The following ADGRB3 variants were observed in gnomAD, a reference collection of about 807,000 sequenced individuals.
ADGRB3 encodes brain-specific angiogenesis inhibitor 3.
ADGRB3 carries 37 observed loss-of-function variants against 193.4 expected under a neutral mutation model. The ratio of observed to expected loss-of-function variants is 0.19; its 90% CI spans 0.15 to 0.25. The LOEUF (loss-of-function observed/expected upper bound fraction) is 0.25, where lower values mean the gene tolerates loss of function less well. Ranked by LOEUF, ADGRB3 falls within the 10% of genes least tolerant of loss-of-function variation. The pLI, the probability that ADGRB3 is intolerant of heterozygous loss-of-function variation, is 1.00. For synonymous variants in ADGRB3, 690 were observed against 644.2 expected (o/e 1.07, Z -1.08); for missense variants, 1,637 against 1,852.9 (o/e 0.88, Z 2.14).
chr6:68,645,687 T>G (rs1053094886), intron 3 of ADGRB3, among the ~76,000 whole-genome samples: 13 of 152,168 alleles, frequency 8.5e-5, no homozygotes, highest in Non-Finnish European at 1.0e-4. Context: ...TTTTTTCTTT[T>G]TTGAGACGGA....
intron 8 of ADGRB3, among the ~76,000 whole-genome samples, chr6:68,972,489 T>A (rs558027797): frequency 6.6e-6 from 1 of 152,252 alleles, no homozygotes; most frequent in East Asian, 1.9e-4. Flanking sequence ...GCACTCAGTT[T>A]CTCCTCTGGA....
intron 3 of ADGRB3, among the ~76,000 whole-genome samples, chr6:68,835,382 A>G (rs1055624653): frequency 1.3e-5 from 2 of 152,196 alleles, no homozygotes; most frequent in African/African-American, 4.8e-5. Flanking sequence ...GACAAAATAT[A>G]TGCAAATGAT....
intron 3 of ADGRB3, among the ~76,000 whole-genome samples, chr6:68,879,213 CTTTTT>C (rs529789046): frequency 1.1e-5 from 1 of 91,906 alleles, no homozygotes; most frequent in Non-Finnish European, 2.0e-5. Context: ...CTTTTTGTCG[CTTTTT>C]TTTTTTTTTT....
Position 68,759,676 on chromosome 6 carries a change from T to G in ADGRB3, c.757+120244T>G, listed in dbSNP as rs1232087217. On this transcript the variant is annotated intron_variant, in intron 3 of 31. Transcript: ENST00000370598. ...ATGCAAGATATTTCAAATAAAAGTTTCCTTAATGTGAATGTTTCTTAAACT... is the reference window on the plus strand; with the variant it reads ...ATGCAAGATATTTCAAATAAAAGTTGCCTTAATGTGAATGTTTCTTAAACT... Among the ~76,000 whole-genome samples, 5 of 152,066 alleles carry G rather than the reference T, an allele frequency of 3.3e-5. 1 individual carries two copies. Among genetic ancestry groups the G allele is most frequent in the Middle Eastern group, 6.4e-3 (2 of 314 alleles).
chr6:68,990,236 G>A (rs1159718316), intron 10 of ADGRB3, among the ~76,000 whole-genome samples: 2 of 152,150 alleles, frequency 1.3e-5, no homozygotes, highest in African/African-American at 4.8e-5. Context: ...ACTCTTCACA[G>A]TATGCATGTG....
intron 3 of ADGRB3, among the ~76,000 whole-genome samples, chr6:68,893,529 C>CTT (rs776176268): frequency 1.4e-5 from 2 of 141,046 alleles, no homozygotes; most frequent in Non-Finnish European, 1.6e-5. Flanking sequence ...ACAACCAACT[C>CTT]TTTTTTTTTT....
intron 3 of ADGRB3, among the ~76,000 whole-genome samples, chr6:68,808,298 C>T (rs1384066310): frequency 1.3e-5 from 2 of 152,074 alleles, no homozygotes; most frequent in East Asian, 1.9e-4. Flanking sequence ...ACCACCTTAT[C>T]AGCTGAATAC....
chr6:68,905,932 G>A (rs904357981), intron 3 of ADGRB3, among the ~76,000 whole-genome samples: 1 of 151,756 alleles, frequency 6.6e-6, no homozygotes, highest in South Asian at 2.1e-4. Flanking sequence ...TAGAGAGAAT[G>A]TCCTGACCAC....
rs754180544 is a variant in ADGRB3 at position 69,361,266 on chromosome 6, C to G, written c.3993C>G (p.Gly1331=). 14 of 1,612,670 alleles carry G rather than the reference C, an allele frequency of 8.7e-6. No individual in the cohort carries two copies. Among genetic ancestry groups the G allele is most frequent in the Non-Finnish European group, 1.2e-5 (14 of 1,179,264 alleles). Residue 1331 remains glycine, a synonymous_variant, in exon 29 of 32, where the codon GGC becomes GGG. Transcript: ENST00000370598. ...SMKEESKMNI[G]METLPHERLL... ...AAGAAGAAAGCAAAATGAATATTGG[C>G]ATGGAAACCTTGCCGCATGAAAGGC...
chr6:68,775,493 A>G (rs1358309362), intron 3 of ADGRB3, among the ~76,000 whole-genome samples: 1 of 152,154 alleles, frequency 6.6e-6, no homozygotes, highest in Non-Finnish European at 1.5e-5. Context: ...GCAGCTGGCC[A>G]GAAAATGTTT....
chr6:69,100,793 G>A (rs182022596), intron 17 of ADGRB3, among the ~76,000 whole-genome samples: 2 of 139,536 alleles, frequency 1.4e-5, no homozygotes, highest in Admixed American at 7.4e-5. Flanking sequence ...TTTAATAGAC[G>A]GAAGGAAAAA....
chr6:68,847,586 C>T (rs1401693483), intron 3 of ADGRB3, among the ~76,000 whole-genome samples: 1 of 152,086 alleles, frequency 6.6e-6, no homozygotes, highest in African/African-American at 2.4e-5. Context: ...CTTCCTCTTT[C>T]TCTGTTGCTG....
At chr6:68,806,196 A>T (rs370026792) in intron 3 of ADGRB3, among the ~76,000 whole-genome samples, 61 of 152,326 alleles carry the variant, frequency 4.0e-4, no homozygotes, top group East Asian at 1.3e-3. Context: ...AGCAAACAAG[A>T]TAAAAACAAT....
chr6:68,848,439 C>A (rs1768328880), intron 3 of ADGRB3, among the ~76,000 whole-genome samples: 1 of 151,996 alleles, frequency 6.6e-6, no homozygotes, highest in Non-Finnish European at 1.5e-5. Flanking sequence ...TGAGTGTTTT[C>A]ATTTAAAATG....
intron 20 of ADGRB3, among the ~76,000 whole-genome samples, chr6:69,306,806 T>A (rs1369674324): frequency 6.6e-6 from 1 of 151,358 alleles, no homozygotes; most frequent in African/African-American, 2.4e-5. Context: ...CAGTGTGAAA[T>A]GTACTAATGG....
intron 3 of ADGRB3, among the ~76,000 whole-genome samples, chr6:68,695,912 G>T (rs1765149534): frequency 2.6e-5 from 4 of 151,972 alleles, no homozygotes; most frequent in Admixed American, 2.6e-4. Context: ...AAAGGAGCTG[G>T]ATTCTCAGAT....
At chr6:69,282,611 T>A (rs1383359971) in intron 20 of ADGRB3, among the ~76,000 whole-genome samples, 1 of 152,156 alleles carries the variant, frequency 6.6e-6, no homozygotes, top group Non-Finnish European at 1.5e-5. Flanking sequence ...TAAGGACAGG[T>A]GGTGATGTTG....
chr6:69,031,049 CTCTTCTCT>C (rs1409253145), intron 13 of ADGRB3, among the ~76,000 whole-genome samples: 1 of 15,144 alleles, frequency 6.6e-5, no homozygotes, highest in East Asian at 8.9e-4. Flanking sequence ...CTCTTCTCTT[CTCTTCTCT>C]TCTCTTCTCT....
chr6:68,831,238 AAAG>A (rs1433684192), intron 3 of ADGRB3, among the ~76,000 whole-genome samples: 5 of 151,578 alleles, frequency 3.3e-5, no homozygotes, highest in African/African-American at 1.2e-4. Context: ...AAAAGAAGTC[AAAG>A]AAGAGCCCAA....
Sources: gnomAD v4.1 joint callset for allele counts (sites outside exome capture counted in the v4.1 genomes callset) on GRCh38, gnomAD v4.1.1 for gene constraint, MANE v1.5 for transcripts, NCBI Gene and HGNC (gene_info 2026-07-23, HGNC 2026-07-21) for gene names.